Variants in CELSR1 observed in about 807,000 individuals in gnomAD.
The protein encoded by CELSR1 is cadherin EGF LAG seven-pass G-type receptor 1, also known as adhesion G protein-coupled receptor C1.
Under a neutral mutation model 249.1 loss-of-function variants are expected in CELSR1, and 110 were observed. The ratio of observed to expected loss-of-function variants is 0.44; its 90% CI spans 0.38 to 0.52. The LOEUF (loss-of-function observed/expected upper bound fraction) is 0.52. Among genes scored for constraint, CELSR1 ranks in the 20% least tolerant of loss-of-function variants. The pLI, the probability that CELSR1 is intolerant of heterozygous loss-of-function variation, is 0.00. For synonymous variants in CELSR1, 2,113 were observed against 1,900.0 expected (o/e 1.11, Z -2.92); for missense variants, 4,109 against 4,296.4 (o/e 0.96, Z 1.22).
Position 46,536,544 on chromosome 22 carries a change from G to C in CELSR1, c.627C>G (p.Ser209=). The change falls in exon 1 of 35, where the codon TCC becomes TCG. Residue 209 remains serine (S), a synonymous_variant. Coordinates refer to ENST00000674500, the MANE Select transcript of CELSR1 (RefSeq NM_001378328.1). Reference sequence around the variant, plus strand: ...GGGGCGGCGATGGGGATGGCGACGCGGAGGGCGTCCCCGCGGTGGCGGCCT... The same window carrying C: ...GGGGCGGCGATGGGGATGGCGACGCCGAGGGCGTCCCCGCGGTGGCGGCCT... The part of the protein sequence containing the change: ...ALEAATAGTP[S]ASPSPSPPLP... The C allele has an allele frequency of 7.3e-7, 1 of 1,368,630 alleles. No homozygotes were observed. Among genetic ancestry groups the C allele is most frequent in the Non-Finnish European group, 9.4e-7 (1 of 1,068,458 alleles). 84.8% of individuals were successfully genotyped at this position (1,368,630 alleles called of 1,614,324 possible).
rs1227031298 is a variant in CELSR1 at position 46,411,820 on chromosome 22, G to A, written c.4612-61C>T. On this transcript the variant is annotated intron_variant, in intron 5 of 34. Transcript: ENST00000674500. The surrounding 1 kb of genome is among the most constrained non-coding windows in gnomAD (Gnocchi z 4.2). The stretch of plus-strand genomic sequence containing the variant: ...TTCTCCACCAGTGCCCTCAGCAGGC[G>A]CACCTGTCACTCATAGAGCGAGGAG... 21 of 1,600,250 alleles carry A rather than the reference G, an allele frequency of 1.3e-5. No homozygotes were observed. The highest frequency in any genetic ancestry group is 6.7e-5 in the Admixed American group (4 of 59,916).
In CELSR1 at chr22:46,534,187, T is replaced by C. The variant is rs1448361965; in HGVS notation, c.2984A>G (p.Asn995Ser). The C allele has an allele frequency of 6.2e-7, 1 of 1,613,868 alleles. No homozygotes were observed. ...IQVTILDIND[N>S]APMFEKDELE... ...TTCGTCCTTCTCAAACATGGGGGCA[T>C]TGTCATTAATGTCCAAGATGGTCAC... The change falls in exon 1 of 35, where the codon AAT (asparagine) becomes AGT (serine). Residue 995 changes from asparagine (N) to serine (S), a missense_variant. Asn to Ser is a conservative substitution (Grantham distance 46). Coordinates refer to ENST00000674500, the MANE Select transcript of CELSR1 (RefSeq NM_001378328.1). This position sits in a 1 kb window ranked among gnomAD's most constrained non-coding sequence, Gnocchi z 9.7.
chr22:46,403,971 CAAAAAAAAA>C (rs756055741), intron 9 of CELSR1, among the ~76,000 whole-genome samples: 1 of 48,426 alleles, frequency 2.1e-5, no homozygotes, highest in Non-Finnish European at 4.7e-5. Flanking sequence ...AACTCCGTCT[CAAAAAAAAA>C]AAAAAAAAAA....
chr22:46,524,227 G>A (rs1314300681), intron 1 of CELSR1, among the ~76,000 whole-genome samples: 7 of 152,196 alleles, frequency 4.6e-5, no homozygotes, highest in South Asian at 4.1e-4. Flanking sequence ...TCACTGAGAC[G>A]ATGCAGGCAC....
rs1278969854 is a variant in CELSR1 at position 46,417,122 on chromosome 22, CATGCTGTCATTTCTCAAG to C, written c.4612-5381_4612-5364del. Among the ~76,000 whole-genome samples the C allele has an allele frequency of 2.2e-4, 33 of 152,336 alleles. No homozygotes were observed. The East Asian group carries it at 6.4e-3, about 29-fold the overall frequency. The stretch of plus-strand genomic sequence containing the variant: ...AGTCAAACTGCAGCGCTGAACGTTC[CATGCTGTCATTTCTCAAG>C]ATGACAAAGTTCAGGCCTGTCTGGC... On this transcript the variant is annotated intron_variant, in intron 5 of 34. Coordinates refer to ENST00000674500, the MANE Select transcript of CELSR1 (RefSeq NM_001378328.1). This position sits in a 1 kb window ranked among gnomAD's most constrained non-coding sequence, Gnocchi z 4.1.
chr22:46,398,322 C>T lies in CELSR1; in HGVS notation c.5526+202G>A, dbSNP rs377349647. On this transcript the variant is annotated intron_variant, in intron 11 of 34. Coordinates refer to ENST00000674500, the MANE Select transcript of CELSR1 (RefSeq NM_001378328.1). The surrounding 1 kb of genome is among the most constrained non-coding windows in gnomAD (Gnocchi z 7.2). ...GGTGGGGAGCTGTGGGGGCCAGGGA[C>T]GGCCCGGATGCCAAGGGGAACCGCA... is the stretch of plus-strand genomic sequence containing the variant. Among the ~76,000 whole-genome samples the T allele has an allele frequency of 2.6e-5, 4 of 152,204 alleles. No individual in the cohort carries two copies. Among genetic ancestry groups the T allele is most frequent in the Admixed American group, 6.5e-5 (1 of 15,304 alleles).
At chr22:46,365,438 G>T (rs986311574) in intron 31 of CELSR1, 58 bp from the exon 32 acceptor site, 3 of 1,596,084 alleles carry the variant, frequency 1.9e-6, no homozygotes, top group East Asian at 4.5e-5. Context: ...GAGTCCCACC[G>T]AGGGCCAAGC....
intron 1 of CELSR1, among the ~76,000 whole-genome samples, chr22:46,493,791 A>G (rs952777007): frequency 6.6e-6 from 1 of 152,152 alleles, no homozygotes; most frequent in African/African-American, 2.4e-5. Flanking sequence ...GCCTGCCACC[A>G]TGTAAGATGT....
chr22:46,537,281 G>A lies in CELSR1; in HGVS notation c.-111C>T. On this transcript the variant is annotated 5_prime_UTR_variant, in exon 1 of 35. Coordinates refer to ENST00000674500, the MANE Select transcript of CELSR1 (RefSeq NM_001378328.1). This position sits in a 1 kb window ranked among gnomAD's most constrained non-coding sequence, Gnocchi z 5.8. ...GCGGCTCCCGGGCGCCCGGCCCTCG[G>A]GGCGGTCCGCGTCCCGCCTCCCCGG... 1.0e-6 allele frequency: 1 copy of A among 995,836 alleles called. No individual in the cohort carries two copies. The highest frequency in any genetic ancestry group is 1.2e-6 in the Non-Finnish European group (1 of 837,082). The allele number at this position is 995,836 out of a possible 1,614,324, so 61.7% of individuals were successfully genotyped here.
Position 46,506,173 on chromosome 22 carries a change from C to CA in CELSR1, c.3544+27453dup, listed in dbSNP as rs59470297. On this transcript the variant is annotated intron_variant, in intron 1 of 34. Transcript: ENST00000674500. The surrounding 1 kb of genome is among the most constrained non-coding windows in gnomAD (Gnocchi z 4.1). ...CAGCCTGGGCGACAGAGACTGTCTC[C>CA]AAAAAAAAAAAAAAAAAAAAGAAAA... 2.3e-4 allele frequency among the ~76,000 whole-genome samples: 31 copies of CA among 137,040 alleles called. No homozygotes were observed. The highest frequency in any genetic ancestry group is 3.1e-4 in the Non-Finnish European group (20 of 64,130). The allele number at this position is 137,040 out of a possible 152,430, so 89.9% of individuals were successfully genotyped here. A position where few individuals can be genotyped will look rare whatever the true frequency, so the allele number is the denominator to read the frequency against.
chr22:46,412,551 G>A lies in CELSR1; in HGVS notation c.4612-792C>T, dbSNP rs1296414810. Among the ~76,000 whole-genome samples the A allele has an allele frequency of 1.3e-5, 2 of 152,164 alleles. No homozygotes were observed. The highest frequency in any genetic ancestry group is 2.9e-5 in the Non-Finnish European group (2 of 68,032). On this transcript the variant is annotated intron_variant, in intron 5 of 34. Coordinates refer to ENST00000674500, the MANE Select transcript of CELSR1 (RefSeq NM_001378328.1). The surrounding 1 kb of genome is among the most constrained non-coding windows in gnomAD (Gnocchi z 4.5). ...AGGATTGGGTACAAGAGTTCTTCTGGAATCAGTGACCTTGGGTGAAACCTT... is the reference window on the plus strand; with the variant it reads ...AGGATTGGGTACAAGAGTTCTTCTGAAATCAGTGACCTTGGGTGAAACCTT...
In CELSR1 at chr22:46,439,314, G is replaced by C. The variant is rs780399719; in HGVS notation, c.4281C>G (p.His1427Gln). ...TCVNLLIGGF[H>Q]CVCPPGEYER... is the part of the protein sequence containing the mutation. ...CATACTCGCCAGGAGGACACACGCAGTGGAAGCCGCCGATGAGCAGGTTCA... is the reference window on the plus strand; with the variant it reads ...CATACTCGCCAGGAGGACACACGCACTGGAAGCCGCCGATGAGCAGGTTCA... The change falls in exon 3 of 35, where the codon CAC (histidine) becomes CAG (glutamine). Residue 1427 changes from histidine to glutamine, a missense_variant. By Grantham distance (24) the His-to-Gln change is conservative (BLOSUM62 0). Transcript: ENST00000674500. 4 of 1,613,736 alleles carry C rather than the reference G, an allele frequency of 2.5e-6. No homozygotes were observed. Among genetic ancestry groups the C allele is most frequent in the Non-Finnish European group, 3.4e-6 (4 of 1,179,896 alleles).
rs745933136 is a variant in CELSR1, at chr22:46,437,723, C to T, written c.4407-1434G>A. ...CCGAGATCATACCACCACTGCACTC[C>T]AGCCTGGCAACAAAGCAAGACTCCG... On this transcript the variant is annotated intron_variant, in intron 3 of 34. Transcript: ENST00000674500. This position sits in a 1 kb window ranked among gnomAD's most constrained non-coding sequence, Gnocchi z 4.9. 1.3e-5 allele frequency among the ~76,000 whole-genome samples: 2 copies of T among 150,318 alleles called. No homozygotes were observed. Among genetic ancestry groups the T allele is most frequent in the Non-Finnish European group, 2.9e-5 (2 of 67,860 alleles).
chr22:46,376,344 G>A (rs2078917874), intron 24 of CELSR1, among the ~76,000 whole-genome samples: 1 of 152,162 alleles, frequency 6.6e-6, no homozygotes, highest in Non-Finnish European at 1.5e-5. Flanking sequence ...TTCTCTAACG[G>A]TGAGAGGACT....
intron 26 of CELSR1, 88 bp from the exon 27 acceptor site, chr22:46,369,346 C>T: frequency 8.6e-7 from 1 of 1,163,048 alleles, no homozygotes; most frequent in Admixed American, 1.9e-5. Flanking sequence ...TTCGCCCTGT[C>T]AGGGAGGGGT....
rs1309048991 is a variant in CELSR1, at chr22:46,472,286, G to A, written c.3545-7941C>T. On this transcript the variant is annotated intron_variant, in intron 1 of 34. Transcript: ENST00000674500. This position sits in a 1 kb window ranked among gnomAD's most constrained non-coding sequence, Gnocchi z 7.0. ...GGGACCTGTCCAGTCCCCGACTTTC[G>A]TGAAAGACTCTGCAGTAAGATAAAG... Among the ~76,000 whole-genome samples, 2 of 152,204 alleles carry A rather than the reference G, an allele frequency of 1.3e-5. No homozygotes were observed. Among genetic ancestry groups the A allele is most frequent in the Non-Finnish European group, 2.9e-5 (2 of 68,050 alleles).
chr22:46,415,278 T>C, intron 5 of CELSR1, among the ~76,000 whole-genome samples: 1 of 152,154 alleles, frequency 6.6e-6, no homozygotes, highest in Non-Finnish European at 1.5e-5. Flanking sequence ...GCCTCCCAAG[T>C]AGCTGGGACT....
intron 1 of CELSR1, among the ~76,000 whole-genome samples, chr22:46,514,120 ACTTGT>A (rs2080602622): frequency 6.6e-6 from 1 of 151,992 alleles, no homozygotes; most frequent in Non-Finnish European, 1.5e-5. Context: ...ACAGCTCTTT[ACTTGT>A]CTTGTCTACA....
chr22:46,446,615 G>T lies in CELSR1; in HGVS notation c.4184-7204C>A, dbSNP rs183837929. On this transcript the variant is annotated intron_variant, in intron 2 of 34. Coordinates refer to ENST00000674500, the MANE Select transcript of CELSR1 (RefSeq NM_001378328.1). This position sits in a 1 kb window ranked among gnomAD's most constrained non-coding sequence, Gnocchi z 5.5. Reference sequence around the variant, plus strand: ...CAGGGAGGGTCGCAGGGGGTCGGTGGGGGGGAAAGCTGGGTCCATAGCAGG... The same window carrying T: ...CAGGGAGGGTCGCAGGGGGTCGGTGTGGGGGAAAGCTGGGTCCATAGCAGG... Among the ~76,000 whole-genome samples, 1 of 148,062 alleles carries T rather than the reference G, an allele frequency of 6.8e-6. No individual in the cohort carries two copies. Among genetic ancestry groups the T allele is most frequent in the South Asian group, 2.1e-4 (1 of 4,810 alleles).
Sources: gnomAD v4.1 joint callset for allele counts (sites outside exome capture counted in the v4.1 genomes callset) on GRCh38, gnomAD v4.1.1 for gene constraint, Gnocchi (gnomAD v3.1) non-coding constraint, MANE v1.5 for transcripts, NCBI Gene and HGNC (gene_info 2026-07-23, HGNC 2026-07-21) for gene names.